ROBO2: variants seen among roughly 807,000 people sequenced by gnomAD.
ROBO2 encodes roundabout guidance receptor 2, also known as roundabout homolog 2.
A neutral mutation model predicts 160.8 loss-of-function variants in ROBO2; 53 were observed. The ratio of observed to expected loss-of-function variants is 0.33; its 90% CI spans 0.26 to 0.41. The LOEUF (loss-of-function observed/expected upper bound fraction) is 0.41. ROBO2 is among the 10% of genes least tolerant of loss of function. The pLI, the probability that ROBO2 is intolerant of heterozygous loss-of-function variation, is 1.00. For missense variants in ROBO2, 1,577 were observed against 1,722.4 expected (o/e 0.92, Z 1.49); for synonymous variants, 664 against 611.7 (o/e 1.09, Z -1.26).
chr3:77,227,989 A>G (rs889274125), intron 2 of ROBO2, among the ~76,000 whole-genome samples: 1 of 152,224 alleles, frequency 6.6e-6, no homozygotes, highest in Non-Finnish European at 1.5e-5. Flanking sequence ...TATGTAGAAG[A>G]GAAAACATGC....
intron 4 of ROBO2, among the ~76,000 whole-genome samples, chr3:77,482,610 C>T (rs1288519038): frequency 6.6e-6 from 1 of 152,076 alleles, no homozygotes; most frequent in African/African-American, 2.4e-5. Context: ...TAGAATTGTT[C>T]AAAGTATGCA....
At chr3:76,829,218 T>A (rs1032145728) in intron 2 of ROBO2, among the ~76,000 whole-genome samples, 1 of 152,182 alleles carries the variant, frequency 6.6e-6, no homozygotes, top group Non-Finnish European at 1.5e-5. Context: ...ATTGGCAACC[T>A]AATCTAATCT....
At chr3:76,007,306 T>C (rs1291762602) in intron 2 of ROBO2, among the ~76,000 whole-genome samples, 1 of 152,144 alleles carries the variant, frequency 6.6e-6, no homozygotes, top group African/African-American at 2.4e-5. Flanking sequence ...AGCACTTTTT[T>C]TGTATGAAAT....
At chr3:77,030,693 T>A (rs569367220) in intron 2 of ROBO2, among the ~76,000 whole-genome samples, 32 of 152,284 alleles carry the variant, frequency 2.1e-4, no homozygotes, top group Non-Finnish European at 3.1e-4. Flanking sequence ...TGTAGCAATA[T>A]ACTGCCAACT....
chr3:77,004,244 C>A (rs2061470795), intron 2 of ROBO2, among the ~76,000 whole-genome samples: 1 of 152,192 alleles, frequency 6.6e-6, no homozygotes, highest in South Asian at 2.1e-4. Flanking sequence ...TTAATTAAAT[C>A]TTCATAGCTC....
chr3:76,274,457 A>G (rs543205545), intron 2 of ROBO2, among the ~76,000 whole-genome samples: 2 of 152,272 alleles, frequency 1.3e-5, no homozygotes, highest in Admixed American at 1.3e-4. Context: ...TGTGTAGTTT[A>G]TAAACTATTT....
At chr3:76,109,519 C>G (rs1472562980) in intron 2 of ROBO2, among the ~76,000 whole-genome samples, 2 of 151,998 alleles carry the variant, frequency 1.3e-5, no homozygotes, top group Non-Finnish European at 2.9e-5. Flanking sequence ...ACCACTTTTT[C>G]CTCCTTAACT....
intron 2 of ROBO2, among the ~76,000 whole-genome samples, chr3:76,326,195 G>C (rs901724470): frequency 6.6e-6 from 1 of 152,112 alleles, no homozygotes; most frequent in Non-Finnish European, 1.5e-5. Context: ...TAAGCTTAAG[G>C]TTTAATTTAT....
intron 2 of ROBO2, among the ~76,000 whole-genome samples, chr3:77,248,741 A>C (rs1041957021): frequency 6.7e-6 from 1 of 148,624 alleles, no homozygotes; most frequent in Non-Finnish European, 1.5e-5. Flanking sequence ...CCGCCCACGA[A>C]GGGGGCAGGA....
chr3:77,115,295 A>C (rs975192003), intron 2 of ROBO2, among the ~76,000 whole-genome samples: 4 of 152,224 alleles, frequency 2.6e-5, no homozygotes, highest in Admixed American at 6.5e-5. Context: ...TTTTCAAAGA[A>C]TATTTAGAAA....
At chr3:77,102,324 A>C (rs1231229682) in intron 2 of ROBO2, among the ~76,000 whole-genome samples, 1 of 152,040 alleles carries the variant, frequency 6.6e-6, no homozygotes, top group Admixed American at 6.6e-5. Flanking sequence ...GGATTGTGCT[A>C]GGCATTGTAA....
intron 2 of ROBO2, among the ~76,000 whole-genome samples, chr3:77,220,672 T>C (rs1466757125): frequency 6.6e-6 from 1 of 152,138 alleles, no homozygotes; most frequent in Non-Finnish European, 1.5e-5. Flanking sequence ...CTTCCAGTGA[T>C]GTATACTTAA....
chr3:76,288,610 C>T (rs1708647705), intron 2 of ROBO2, among the ~76,000 whole-genome samples: 1 of 151,938 alleles, frequency 6.6e-6, no homozygotes, highest in African/African-American at 2.4e-5. Flanking sequence ...GAGCACAGCA[C>T]CTGAGAGTTT....
At position 76,650,331 on chromosome 3, in the gene ROBO2, C is replaced by A. The variant is rs550079908; in HGVS notation, c.110-447683C>A. ...CATCACTTTGGGAGGAGACAGCGTG[C>A]CTTCGTTCTTTCCCTTCCTTTCCCT... On this transcript the variant is annotated intron_variant, in intron 2 of 26. Transcript: ENST00000487694. 2.6e-5 allele frequency among the ~76,000 whole-genome samples: 4 copies of A among 152,196 alleles called. No individual in the cohort carries two copies. In the South Asian group the frequency reaches 6.2e-4, roughly 24 times the overall value.
intron 2 of ROBO2, among the ~76,000 whole-genome samples, chr3:76,349,125 A>C (rs1379979211): frequency 6.6e-6 from 1 of 152,118 alleles, no homozygotes. Flanking sequence ...ATAAGTGTCT[A>C]TTCCTTTTGA....
Position 76,447,476 on chromosome 3 carries a change from C to T in ROBO2, c.109+509874C>T, listed in dbSNP as rs1310176916. On this transcript the variant is annotated intron_variant, in intron 2 of 26. Coordinates refer to the ROBO2 transcript ENST00000487694. The stretch of plus-strand genomic sequence containing the variant: ...AAACTAGTTCAACCATTGTGGAAGT[C>T]AGTGTGGCGATTCCTCAGGGATCTA... Among the ~76,000 whole-genome samples the T allele has an allele frequency of 3.4e-5, 5 of 148,338 alleles. 1 individual carries two copies. The highest frequency in any genetic ancestry group is 2.0e-4 in the Admixed American group (3 of 14,688).
At chr3:77,294,127 C>G (rs372061639) in intron 2 of ROBO2, among the ~76,000 whole-genome samples, 1 of 95,974 alleles carries the variant, frequency 1.0e-5, no homozygotes, top group South Asian at 3.8e-4. Context: ...CTAGATCACC[C>G]CAGACATAAA....
intron 2 of ROBO2, among the ~76,000 whole-genome samples, chr3:76,788,736 A>T (rs1343271075): frequency 6.6e-6 from 1 of 151,554 alleles, no homozygotes; most frequent in Non-Finnish European, 1.5e-5. Context: ...TAAGGAGAAG[A>T]ATATCTATTA....
rs773010630 is a variant in ROBO2 at position 76,131,447 on chromosome 3, C to T, written c.109+193845C>T. Among the ~76,000 whole-genome samples, 55 of 152,120 alleles carry T rather than the reference C, an allele frequency of 3.6e-4. 2 individuals carry two copies. Among genetic ancestry groups the T allele is most frequent in the Non-Finnish European group, 5.7e-4 (39 of 68,018 alleles). On this transcript the variant is annotated intron_variant, in intron 2 of 26. Transcript: ENST00000487694. ...AAATAATGTGAGATTGAGGTTTGCT[C>T]ACAAGAAGTTGTTGAGGAGTGAACT... is the stretch of plus-strand genomic sequence containing the variant.
Sources: gnomAD v4.1 joint callset for allele counts (sites outside exome capture counted in the v4.1 genomes callset) on GRCh38, gnomAD v4.1.1 for gene constraint, MANE v1.5 for transcripts, NCBI Gene and HGNC (gene_info 2026-07-23, HGNC 2026-07-21) for gene names.